The following CHRDL2 variants were observed in gnomAD, a reference collection of about 807,000 sequenced individuals.
CHRDL2 encodes the protein chordin like 2, also known as chordin-like protein 2.
A neutral mutation model predicts 54.3 loss-of-function variants in CHRDL2; 41 were observed. The ratio of observed to expected loss-of-function variants is 0.76; its 90% CI spans 0.59 to 0.98. The LOEUF is 0.98. CHRDL2 is among the 50% of genes least tolerant of loss of function. The probability of loss-of-function intolerance (pLI) is 0.00; values close to 1 mark genes in which losing one functional copy is unlikely to be tolerated. For synonymous variants in CHRDL2, 220 were observed against 224.3 expected (o/e 0.98, Z 0.17); for missense variants, 518 against 562.4 (o/e 0.92, Z 0.80).
intron 3 of CHRDL2, 152 bp from the exon 4 acceptor site, chr11:74,711,143 C>T (rs1161516120): frequency 1.2e-6 from 1 of 848,338 alleles, no homozygotes; most frequent in African/African-American, 1.7e-5. Context: ...AGCCATTCCC[C>T]TTATCAGCTA....
intron 3 of CHRDL2, 66 bp downstream of exon 3, chr11:74,713,319 AG>A: frequency 7.2e-7 from 1 of 1,396,764 alleles, no homozygotes; most frequent in Non-Finnish European, 1.0e-6. Flanking sequence ...GGTCTCCCTC[AG>A]CTAGAGGGCT....
At chr11:74,710,731 G>T in intron 4 of CHRDL2, 118 bp downstream of exon 4, 2 of 1,313,528 alleles carry the variant, frequency 1.5e-6, no homozygotes, top group Non-Finnish European at 1.0e-6. Context: ...TTTCCCCTGA[G>T]CCCATTCATT....
rs2033877147 is a variant in CHRDL2, at chr11:74,702,932, A to T, written c.982T>A (p.Ser328Thr). The change falls in exon 9 of 11, where the codon TCT (serine) becomes ACT (threonine). Residue 328 changes from serine (S) to threonine (T), a missense_variant. Ser to Thr is a moderately conservative substitution (Grantham distance 58). Transcript: ENST00000376332. ...CCCGGTGCCTTGGGACACCTGGTAG[A>T]ACTGATCTCACTGTGGCCAGGGTCT... ...KADPGHSEISSTRCPKAPGRV... is the reference protein window; with the variant it reads ...KADPGHSEISTTRCPKAPGRV... 6.2e-7 allele frequency: 1 copy of T among 1,614,056 alleles called. No homozygotes were observed. The highest frequency in any genetic ancestry group is 1.3e-5 in the African/African-American group (1 of 75,042).
At chr11:74,703,063 G>A (rs553353338) in intron 8 of CHRDL2, 96 bp from the exon 9 acceptor site, 120 of 1,252,168 alleles carry the variant, frequency 9.6e-5, no homozygotes, top group Admixed American at 5.7e-4. Context: ...CATGGAATCC[G>A]GAACATTACT....
chr11:74,703,787 T>C (rs957205288), intron 7 of CHRDL2, among the ~76,000 whole-genome samples: 2 of 152,336 alleles, frequency 1.3e-5, no homozygotes, highest in African/African-American at 4.8e-5. Flanking sequence ...GTGCTGATCT[T>C]GTGGTAGGAG....
At position 74,716,500 on chromosome 11, in the gene CHRDL2, A is replaced by T. The variant is rs1267174971; in HGVS notation, c.195+2220T>A. Reference sequence around the variant, plus strand: ...CAGTGAGCCAAGATTGCACCGCTGCACTCCAGCCTGGTAGCCTGGTGACAG... The same window carrying T: ...CAGTGAGCCAAGATTGCACCGCTGCTCTCCAGCCTGGTAGCCTGGTGACAG... On this transcript the variant is annotated intron_variant, in intron 2 of 10. Coordinates refer to ENST00000376332, the MANE Select transcript of CHRDL2 (RefSeq NM_001278473.3). Among the ~76,000 whole-genome samples, 48 of 143,446 alleles carry T rather than the reference A, an allele frequency of 3.3e-4. 1 individual carries two copies. Among genetic ancestry groups the T allele is most frequent in the Non-Finnish European group, 1.0e-4 (7 of 66,772 alleles). 94.1% of individuals were successfully genotyped at this position (143,446 alleles called of 152,430 possible).
chr11:74,708,391 C>T lies in CHRDL2; in HGVS notation c.437G>A (p.Gly146Asp). The T allele has an allele frequency of 6.4e-7, 1 of 1,574,300 alleles. No individual in the cohort carries two copies. Among genetic ancestry groups the T allele is most frequent in the Non-Finnish European group, 8.6e-7 (1 of 1,162,988 alleles). Residue 146 changes from glycine to aspartate, a missense_variant, in exon 5 of 11, where the codon GGC becomes GAC. Coordinates refer to ENST00000376332, the MANE Select transcript of CHRDL2 (RefSeq NM_001278473.3). ...NQCVLCSCTE[G>D]QIYCGLTTCP... The stretch of plus-strand genomic sequence containing the variant: ...GGTTGTGAGGCCGCAGTAGATCTGG[C>T]CCTCCTGACAGATAGAGCAAACCAG...
intron 5 of CHRDL2, among the ~76,000 whole-genome samples, chr11:74,706,908 C>T (rs1477060790): frequency 6.6e-6 from 1 of 152,186 alleles, no homozygotes; most frequent in South Asian, 2.1e-4. Flanking sequence ...ATGGATGGCC[C>T]AAAGGCCCAG....
intron 9 of CHRDL2, chr11:74,697,539 C>A (rs1276957126): frequency 1.8e-6 from 1 of 563,330 alleles, no homozygotes; most frequent in African/African-American, 1.9e-5. Context: ...GAGTCCTAAC[C>A]CCTTTCACTC....
intron 1 of CHRDL2, among the ~76,000 whole-genome samples, chr11:74,726,410 C>A (rs556500933): frequency 6.6e-6 from 1 of 152,236 alleles, no homozygotes; most frequent in South Asian, 2.1e-4. Context: ...CCCTACTAGG[C>A]AGGACTAGAA....
At chr11:74,702,424 G>GC (rs2033848391) in intron 9 of CHRDL2, among the ~76,000 whole-genome samples, 1 of 152,126 alleles carries the variant, frequency 6.6e-6, no homozygotes, top group Non-Finnish European at 1.5e-5. Context: ...CAGCCTCCAG[G>GC]CCCTCCTACT....
intron 9 of CHRDL2, among the ~76,000 whole-genome samples, 156 bp downstream of exon 9, chr11:74,702,638 T>C (rs2033857336): frequency 6.6e-6 from 1 of 152,192 alleles, no homozygotes; most frequent in African/African-American, 2.4e-5. Context: ...TCAGGCTCAC[T>C]ATCTTCCTGC....
rs769616478 is a variant in CHRDL2, at chr11:74,710,984, G to A, written c.297C>T (p.His99=). 22 of 1,613,524 alleles carry A rather than the reference G, an allele frequency of 1.4e-5. No individual in the cohort carries two copies. The highest frequency in any genetic ancestry group is 1.9e-5 in the Non-Finnish European group (22 of 1,179,724). The part of the protein sequence containing the change: ...QQCCPKCVEP[H]TPSGLRAPPK... ...GTGGGGCCCGGAGTCCAGAGGGAGT[G>A]TGAGGTTCTGCAGTGGGGGAGGGGC... Residue 99 remains histidine, a synonymous_variant, in exon 4 of 11, where the codon CAC becomes CAT. Coordinates refer to ENST00000376332, the MANE Select transcript of CHRDL2 (RefSeq NM_001278473.3).
intron 3 of CHRDL2, among the ~76,000 whole-genome samples, chr11:74,711,712 C>T (rs757647709): frequency 2.0e-5 from 3 of 152,086 alleles, no homozygotes; most frequent in South Asian, 4.2e-4. Flanking sequence ...AGGTGGCTCA[C>T]GCCTATAATC....
chr11:74,706,352 T>C, intron 6 of CHRDL2, 135 bp downstream of exon 6: 2 of 789,290 alleles, frequency 2.5e-6, no homozygotes. Context: ...ATATAGTGGA[T>C]GTTCATGTAG....
intron 4 of CHRDL2, among the ~76,000 whole-genome samples, chr11:74,710,184 C>G (rs546718338): frequency 1.3e-5 from 2 of 151,550 alleles, no homozygotes; most frequent in African/African-American, 4.9e-5. Context: ...CCACTACACT[C>G]CGGCCTGGGT....
chr11:74,702,576 T>A (rs950069165), intron 9 of CHRDL2, among the ~76,000 whole-genome samples: 5 of 152,184 alleles, frequency 3.3e-5, no homozygotes, highest in African/African-American at 7.2e-5. Context: ...GAGGGAGCAC[T>A]ATCGAGCCTT....
At chr11:74,718,875 G>A in intron 1 of CHRDL2, 43 bp from the exon 2 acceptor site, 1 of 1,230,248 alleles carries the variant, frequency 8.1e-7, no homozygotes, top group Non-Finnish European at 1.2e-6. Context: ...GGAGGCTCCA[G>A]CCCAAAGACC....
In CHRDL2 at chr11:74,700,640, A is replaced by ATTTT. The variant is rs1454728912; in HGVS notation, c.1120+2153_1120+2154insAAAA. On this transcript the variant is annotated intron_variant, in intron 9 of 10. Transcript: ENST00000376332. ...TCTTTTTTTTATTATTATTATTATTATTATTTTTTTTTTTTTGAGACGGAG... is the reference window on the plus strand; with the variant it reads ...TCTTTTTTTTATTATTATTATTATTATTTTTTATTTTTTTTTTTTTGAGACGGAG... 2.4e-3 allele frequency among the ~76,000 whole-genome samples: 337 copies of ATTTT among 141,586 alleles called. 2 individuals carry two copies. Among genetic ancestry groups the ATTTT allele is most frequent in the African/African-American group, 4.5e-3 (172 of 38,014 alleles). The allele number at this position is 141,586 out of a possible 152,430, so 92.9% of individuals were successfully genotyped here. A position where few individuals can be genotyped will look rare whatever the true frequency, so the allele number is the denominator to read the frequency against.
Sources: gnomAD v4.1 joint callset for allele counts (sites outside exome capture counted in the v4.1 genomes callset) on GRCh38, gnomAD v4.1.1 for gene constraint, MANE v1.5 for transcripts, NCBI Gene and HGNC (gene_info 2026-07-23, HGNC 2026-07-21) for gene names.